The following BOC variants were observed in gnomAD, a reference collection of about 807,000 sequenced individuals.
BOC encodes the protein BOC cell adhesion associated, oncogene regulated, also known as brother of CDO.
In BOC, 76 loss-of-function variants were observed where a neutral mutation model predicts 112.0. The ratio of observed to expected loss-of-function variants is 0.68; its 90% CI spans 0.56 to 0.82. The LOEUF (loss-of-function observed/expected upper bound fraction) is 0.82, where lower values mean the gene tolerates loss of function less well. BOC is among the 40% of genes least tolerant of loss of function. The probability of loss-of-function intolerance (pLI) is 0.00; values close to 1 mark genes in which losing one functional copy is unlikely to be tolerated. For synonymous variants in BOC, 580 were observed against 599.8 expected (o/e 0.97, Z 0.48); for missense variants, 1,309 against 1,511.7 (o/e 0.87, Z 2.22).
At chr3:113,233,221 G>A (rs1372424051) in intron 2 of BOC, among the ~76,000 whole-genome samples, 1 of 148,082 alleles carries the variant, frequency 6.8e-6, no homozygotes, top group Non-Finnish European at 1.5e-5. Context: ...GGCTTTGCCT[G>A]GCATCTGTTT....
intron 2 of BOC, among the ~76,000 whole-genome samples, chr3:113,245,366 C>A (rs886322452): frequency 6.6e-6 from 1 of 152,156 alleles, no homozygotes; most frequent in Non-Finnish European, 1.5e-5. Flanking sequence ...GATCCTCCTA[C>A]CTCAGCCTCC....
intron 15 of BOC, among the ~76,000 whole-genome samples, chr3:113,282,945 G>A (rs1010215721): frequency 1.3e-5 from 2 of 152,232 alleles, no homozygotes; most frequent in Admixed American, 6.5e-5. Flanking sequence ...TCGTGAGTCC[G>A]GGAACACCTG....
chr3:113,259,287 C>T (rs1045635424), intron 4 of BOC, among the ~76,000 whole-genome samples: 2 of 152,172 alleles, frequency 1.3e-5, no homozygotes, highest in African/African-American at 2.4e-5. Flanking sequence ...CACTCACAGC[C>T]AAATGCTTAA....
intron 13 of BOC, 107 bp downstream of exon 13, chr3:113,280,112 A>C: frequency 8.3e-7 from 1 of 1,210,380 alleles, no homozygotes; most frequent in Non-Finnish European, 1.1e-6. Flanking sequence ...TGAAAGCTTC[A>C]TCAGTGGAAT....
intron 2 of BOC, among the ~76,000 whole-genome samples, chr3:113,226,621 C>T (rs1046995888): frequency 2.6e-5 from 4 of 152,152 alleles, no homozygotes; most frequent in Non-Finnish European, 5.9e-5. Flanking sequence ...ACCAAAATGC[C>T]AGTGTTAATA....
At chr3:113,234,516 A>G (rs1463587359) in intron 2 of BOC, among the ~76,000 whole-genome samples, 1 of 152,196 alleles carries the variant, frequency 6.6e-6, no homozygotes, top group Non-Finnish European at 1.5e-5. Context: ...AGGCCATGCT[A>G]CATTTCAATT....
At chr3:113,254,060 A>G (rs1409089998) in intron 4 of BOC, among the ~76,000 whole-genome samples, 2 of 152,286 alleles carry the variant, frequency 1.3e-5, no homozygotes, top group African/African-American at 4.8e-5. Context: ...AGGAGAGACA[A>G]TTTATTAGCC....
chr3:113,274,426 C>T lies in BOC; in HGVS notation c.1286C>T (p.Pro429Leu), dbSNP rs1559874287. 2.5e-6 allele frequency: 4 copies of T among 1,592,666 alleles called. No homozygotes were observed. The highest frequency in any genetic ancestry group is 3.4e-6 in the Non-Finnish European group (4 of 1,165,630). Residue 429 changes from proline to leucine, a missense_variant, in exon 9 of 20, where the codon CCT becomes CTT. Transcript: ENST00000682979. This position sits in a 1 kb window ranked among gnomAD's most constrained non-coding sequence, Gnocchi z 4.8. ...GCTGAGCTGGCTACTGGCACACCTC[C>T]TGTATCACCCTCCAAACTCGGCAAC... is the stretch of plus-strand genomic sequence containing the variant. ...QDAELATGTP[P>L]VSPSKLGNPE...
chr3:113,272,443 C>A lies in BOC; in HGVS notation c.701C>A (p.Pro234His), dbSNP rs991524944. The A allele has an allele frequency of 2.5e-6, 4 of 1,614,058 alleles. No homozygotes were observed. The highest frequency in any genetic ancestry group is 3.4e-6 in the Non-Finnish European group (4 of 1,179,986). Residue 234 changes from proline (P) to histidine (H), a missense_variant, in exon 7 of 20, where the codon CCC (proline) becomes CAC (histidine). Physicochemically the swap from Pro to His is moderately conservative, Grantham distance 77 (BLOSUM62 -2). Coordinates refer to ENST00000682979, the MANE Select transcript of BOC (RefSeq NM_001378074.1). Reference sequence around the variant, plus strand: ...GCTGAGGCTGCCCGCATCATCTACCCCCCAGAGGCCCAAACCATCATCGTC... The same window carrying A: ...GCTGAGGCTGCCCGCATCATCTACCACCCAGAGGCCCAAACCATCATCGTC... ...STAEAARIIY[P>H]PEAQTIIVTK...
intron 4 of BOC, among the ~76,000 whole-genome samples, chr3:113,261,511 G>A (rs1946873963): frequency 1.3e-5 from 2 of 152,136 alleles, no homozygotes; most frequent in Non-Finnish European, 2.9e-5. Context: ...TAGATGAGAT[G>A]GTCTACAGAC....
chr3:113,233,978 C>T (rs1258866148), intron 2 of BOC, among the ~76,000 whole-genome samples: 1 of 152,138 alleles, frequency 6.6e-6, no homozygotes, highest in East Asian at 1.9e-4. Context: ...CGGAGTCCCA[C>T]CTGGGATTCA....
At chr3:113,279,031 T>C (rs1948932819) in intron 11 of BOC, among the ~76,000 whole-genome samples, 1 of 152,136 alleles carries the variant, frequency 6.6e-6, no homozygotes, top group Non-Finnish European at 1.5e-5. Context: ...GCCTCCACAC[T>C]CTGGCTTTGC....
At chr3:113,224,975 G>A (rs1192133786) in intron 2 of BOC, among the ~76,000 whole-genome samples, 1 of 152,180 alleles carries the variant, frequency 6.6e-6, no homozygotes, top group Non-Finnish European at 1.5e-5. Context: ...TACTCGGGAG[G>A]CTGAGGCAGG....
chr3:113,232,844 A>G (rs1942840390), intron 2 of BOC, among the ~76,000 whole-genome samples: 2 of 152,196 alleles, frequency 1.3e-5, no homozygotes, highest in South Asian at 4.1e-4. Flanking sequence ...AGTGCCAGTC[A>G]TTGTTATAGA....
At position 113,249,765 on chromosome 3, in the gene BOC, G is replaced by T; in HGVS notation, c.-38G>T. The T allele has an allele frequency of 6.4e-7, 1 of 1,561,608 alleles. No homozygotes were observed. The highest frequency in any genetic ancestry group is 8.7e-7 in the Non-Finnish European group (1 of 1,144,848). ...AGTATCTCTTTGTGTGACCCTGGCGGCTTATGGGACGTTGGCTTCAGACCT... is the reference window on the plus strand; with the variant it reads ...AGTATCTCTTTGTGTGACCCTGGCGTCTTATGGGACGTTGGCTTCAGACCT... On this transcript the variant is annotated 5_prime_UTR_variant, in exon 3 of 20. Transcript: ENST00000682979.
chr3:113,281,134 G>A lies in BOC; in HGVS notation c.2415G>A (p.Val805=). Residue 805 remains valine (V), a synonymous_variant, in exon 15 of 20, where the codon GTG becomes GTA. Coordinates refer to ENST00000682979, the MANE Select transcript of BOC (RefSeq NM_001378074.1). The part of the protein sequence containing the change: ...NEGGESEFSN[V]MICETKARKS... The stretch of plus-strand genomic sequence containing the variant: ...GAGGGGAGAGCGAGTTCAGCAACGT[G>A]ATGATCTGTGAGACCAAAGGTGAAG... 2 of 1,614,156 alleles carry A rather than the reference G, an allele frequency of 1.2e-6. No individual in the cohort carries two copies. The highest frequency in any genetic ancestry group is 1.1e-5 in the South Asian group (1 of 91,070).
chr3:113,223,945 C>G (rs1260432777), intron 2 of BOC, among the ~76,000 whole-genome samples: 1 of 152,230 alleles, frequency 6.6e-6, no homozygotes, highest in East Asian at 1.9e-4. Context: ...TTAGCCCAGG[C>G]TGGTAAACTG....
chr3:113,250,941 G>A (rs1270364280), intron 4 of BOC, 108 bp downstream of exon 4: 1 of 1,364,572 alleles, frequency 7.3e-7, no homozygotes, highest in Non-Finnish European at 1.0e-6. Context: ...GCATAAAATG[G>A]GCCTTAACTG....
intron 2 of BOC, among the ~76,000 whole-genome samples, chr3:113,222,599 G>A (rs999204363): frequency 6.6e-6 from 1 of 152,230 alleles, no homozygotes; most frequent in Non-Finnish European, 1.5e-5. Flanking sequence ...GTCGGGGGAT[G>A]TAAGCATGGA....
Sources: gnomAD v4.1 joint callset for allele counts (sites outside exome capture counted in the v4.1 genomes callset) on GRCh38, gnomAD v4.1.1 for gene constraint, Gnocchi (gnomAD v3.1) non-coding constraint, MANE v1.5 for transcripts, NCBI Gene and HGNC (gene_info 2026-07-23, HGNC 2026-07-21) for gene names.